PPM1H: variants seen among roughly 807,000 people sequenced by gnomAD.
PPM1H encodes the protein protein phosphatase, Mg2+/Mn2+ dependent 1H, also known as protein phosphatase 1H.
In PPM1H, 27 loss-of-function variants were observed where a neutral mutation model predicts 54.9. That is an observed-to-expected ratio of 0.49 (90% CI 0.36 to 0.68). The LOEUF is 0.68. Ranked by LOEUF, PPM1H falls within the 30% of genes least tolerant of loss-of-function variation. PPM1H has a pLI of 0.00. For missense variants in PPM1H, 596 were observed against 667.8 expected (o/e 0.89, Z 1.19); for synonymous variants, 305 against 270.8 (o/e 1.13, Z -1.24).
At chr12:62,870,782 C>T (rs1869947850) in intron 1 of PPM1H, among the ~76,000 whole-genome samples, 2 of 152,112 alleles carry the variant, frequency 1.3e-5, no homozygotes, top group Non-Finnish European at 2.9e-5. Flanking sequence ...TGCAAAGAAA[C>T]ATACAAATGG....
At chr12:62,894,348 A>C (rs1447876042) in intron 1 of PPM1H, among the ~76,000 whole-genome samples, 1 of 152,226 alleles carries the variant, frequency 6.6e-6, no homozygotes, top group Admixed American at 6.5e-5. Context: ...AAGGGCAAGA[A>C]TATACAGTAG....
intron 4 of PPM1H, among the ~76,000 whole-genome samples, chr12:62,761,404 T>C (rs2076508136): frequency 6.6e-6 from 1 of 152,210 alleles, no homozygotes; most frequent in South Asian, 2.1e-4. Flanking sequence ...ATACCCCTAA[T>C]TGGTAACAGT....
chr12:62,891,104 C>CAAAAAAAAAAAAAAAAA, intron 1 of PPM1H, among the ~76,000 whole-genome samples: 1 of 76,104 alleles, frequency 1.3e-5, no homozygotes, highest in Non-Finnish European at 2.5e-5. Flanking sequence ...GCAAGACTCT[C>CAAAAAAAAAAAAAAAAA]AAAAAAAAAA....
At chr12:62,705,493 A>G (rs756676243) in intron 6 of PPM1H, among the ~76,000 whole-genome samples, 87 of 152,258 alleles carry the variant, frequency 5.7e-4, no homozygotes, top group Non-Finnish European at 9.6e-4. Flanking sequence ...CAGCAGCAGA[A>G]AAGGATGCAC....
chr12:62,656,285 C>T (rs376420817), intron 9 of PPM1H, among the ~76,000 whole-genome samples: 2 of 152,174 alleles, frequency 1.3e-5, no homozygotes, highest in South Asian at 4.1e-4. Flanking sequence ...TGGAGCCCCT[C>T]TTTCCTTACT....
At chr12:62,848,452 G>A (rs547982586) in intron 1 of PPM1H, among the ~76,000 whole-genome samples, 1 of 152,298 alleles carries the variant, frequency 6.6e-6, no homozygotes, top group South Asian at 2.1e-4. Context: ...TCCATGGCAA[G>A]CTATATTTAG....
At chr12:62,764,233 A>T (rs1406772176) in intron 4 of PPM1H, among the ~76,000 whole-genome samples, 4 of 152,210 alleles carry the variant, frequency 2.6e-5, no homozygotes, top group Non-Finnish European at 2.9e-5. Context: ...TGGAGTCAGG[A>T]TGTGGAGGCA....
chr12:62,884,878 T>G (rs1440346742), intron 1 of PPM1H, among the ~76,000 whole-genome samples: 1 of 152,218 alleles, frequency 6.6e-6, no homozygotes, highest in African/African-American at 2.4e-5. Context: ...TCATCCTGGC[T>G]GCTGGCAGAA....
At position 62,844,748 on chromosome 12, in the gene PPM1H, G is replaced by A. The variant is rs1868895548; in HGVS notation, c.246-12469C>T. On this transcript the variant is annotated intron_variant, in intron 1 of 9. Transcript: ENST00000228705. The surrounding 1 kb of genome is among the most constrained non-coding windows in gnomAD (Gnocchi z 5.2). ...AGTAGGTACTCGATAAATGTTAATT[G>A]AATGAATAAACAAATGAACTCATTT... Among the ~76,000 whole-genome samples, 1 of 152,204 alleles carries A rather than the reference G, an allele frequency of 6.6e-6. No homozygotes were observed. The highest frequency in any genetic ancestry group is 1.5e-5 in the Non-Finnish European group (1 of 68,036).
At chr12:62,710,493 C>T (rs2120421356) in intron 6 of PPM1H, among the ~76,000 whole-genome samples, 1 of 148,650 alleles carries the variant, frequency 6.7e-6, no homozygotes, top group Non-Finnish European at 1.5e-5. Context: ...GATCACACCA[C>T]TGCACTCCAG....
Position 62,793,061 on chromosome 12 carries a change from G to C in PPM1H, c.757-4723C>G, listed in dbSNP as rs552895061. ...GAAACCACGGGAAAAACTGCTTACTGCTTTGTGCTAAGCAAGGACTGATTT... is the reference window on the plus strand; with the variant it reads ...GAAACCACGGGAAAAACTGCTTACTCCTTTGTGCTAAGCAAGGACTGATTT... On this transcript the variant is annotated intron_variant, in intron 3 of 9. Transcript: ENST00000228705. Among the ~76,000 whole-genome samples the C allele has an allele frequency of 3.3e-5, 5 of 152,228 alleles. No individual in the cohort carries two copies. The South Asian group carries it at 1.0e-3, about 32-fold the overall frequency.
At chr12:62,801,186 C>T (rs1301232272) in intron 3 of PPM1H, among the ~76,000 whole-genome samples, 1 of 152,216 alleles carries the variant, frequency 6.6e-6, no homozygotes, top group East Asian at 1.9e-4. Flanking sequence ...ATCTGTAAAA[C>T]AGATGGTGAT....
chr12:62,788,889 C>T (rs2076688616), intron 3 of PPM1H, among the ~76,000 whole-genome samples: 2 of 152,092 alleles, frequency 1.3e-5, no homozygotes, highest in South Asian at 4.1e-4. Context: ...CCATGCCCGG[C>T]TAATTTTTGT....
chr12:62,648,498 C>T lies in PPM1H; in HGVS notation c.1536G>A (p.Lys512=). The T allele has an allele frequency of 6.2e-7, 1 of 1,613,950 alleles. No homozygotes were observed. Among genetic ancestry groups the T allele is most frequent in the Non-Finnish European group, 8.5e-7 (1 of 1,179,872 alleles). The change falls in exon 10 of 10, where the codon AAG becomes AAA. Residue 512 remains lysine, a synonymous_variant. Coordinates refer to ENST00000228705, the MANE Select transcript of PPM1H (RefSeq NM_020700.2). ...VYVIPLIHGN[K]LS The stretch of plus-strand genomic sequence containing the variant: ...ATCCCCTGGGCCATTTTCATGACAG[C>T]TTGTTTCCATGTATTAAAGGAATGA...
rs114220651 is a variant in PPM1H at position 62,751,738 on chromosome 12, C to T, written c.870-14152G>A. ...CTGCTACATGAGGGCAAAACCAGAC[C>T]CATAAACAATGAGATCTAGACTGTA... On this transcript the variant is annotated intron_variant, in intron 4 of 9. Coordinates refer to ENST00000228705, the MANE Select transcript of PPM1H (RefSeq NM_020700.2). 3.5e-3 allele frequency among the ~76,000 whole-genome samples: 533 copies of T among 152,230 alleles called. 3 individuals are homozygous for T. Among genetic ancestry groups the T allele is most frequent in the African/African-American group, 0.012 (502 of 41,534 alleles).
chr12:62,656,452 A>G (rs575431465), intron 9 of PPM1H, among the ~76,000 whole-genome samples: 16 of 152,346 alleles, frequency 1.1e-4, no homozygotes, highest in African/African-American at 3.6e-4. Context: ...GAGTTTTGTC[A>G]TAAGTCATCT....
chr12:62,838,334 T>TGGGG (rs1390428033), intron 1 of PPM1H, among the ~76,000 whole-genome samples: 3 of 94,416 alleles, frequency 3.2e-5, no homozygotes, highest in Non-Finnish European at 5.9e-5. Flanking sequence ...AGTGTGTGTG[T>TGGGG]GTGTGGGGGG....
At chr12:62,766,375 T>C (rs1269865770) in intron 4 of PPM1H, among the ~76,000 whole-genome samples, 2 of 151,544 alleles carry the variant, frequency 1.3e-5, no homozygotes, top group African/African-American at 2.4e-5. Context: ...AAAATAAAAA[T>C]ATATGTGGAA....
At chr12:62,714,551 A>G (rs1592558604) in intron 6 of PPM1H, among the ~76,000 whole-genome samples, 1 of 152,180 alleles carries the variant, frequency 6.6e-6, no homozygotes, top group South Asian at 2.1e-4. Flanking sequence ...AAAGCAGAGC[A>G]AAGCCTACCC....
Sources: gnomAD v4.1 joint callset for allele counts (sites outside exome capture counted in the v4.1 genomes callset) on GRCh38, gnomAD v4.1.1 for gene constraint, Gnocchi (gnomAD v3.1) non-coding constraint, MANE v1.5 for transcripts, NCBI Gene and HGNC (gene_info 2026-07-23, HGNC 2026-07-21) for gene names.